The following HERC3 variants were observed in gnomAD, a reference collection of about 807,000 sequenced individuals.
The protein encoded by HERC3 is probable E3 ubiquitin-protein ligase HERC3.
Under a neutral mutation model 129.9 loss-of-function variants are expected in HERC3, and 58 were observed. That is an observed-to-expected ratio of 0.45 (90% CI 0.36 to 0.56). The LOEUF (loss-of-function observed/expected upper bound fraction) is 0.56. Among genes scored for constraint, HERC3 ranks in the 20% least tolerant of loss-of-function variants. HERC3 has a pLI of 0.00. For missense variants in HERC3, 835 were observed against 1,244.2 expected (o/e 0.67, Z 4.95); for synonymous variants, 430 against 451.0 (o/e 0.95, Z 0.59).
At chr4:88,657,953 A>G (rs1730094231) in intron 9 of HERC3, among the ~76,000 whole-genome samples, 1 of 152,032 alleles carries the variant, frequency 6.6e-6, no homozygotes, top group African/African-American at 2.4e-5. Flanking sequence ...AAATAAAGGC[A>G]ACGTGGTAGT....
At chr4:88,558,686 A>T in the HERC3 span, among the ~76,000 whole-genome samples, 1 of 152,114 alleles carries the variant, frequency 6.6e-6, no homozygotes, top group Non-Finnish European at 1.5e-5. Flanking sequence ...TTGAGAGGCC[A>T]GGCGCGGTGG....
chr4:88,674,687 GT>G (rs33944358), intron 16 of HERC3, among the ~76,000 whole-genome samples: 1 of 152,034 alleles, frequency 6.6e-6, no homozygotes, highest in African/African-American at 2.4e-5. Flanking sequence ...GTGTGGTTTT[GT>G]TTTTTTGTTT....
chr4:88,577,982 G>T, the HERC3 span, among the ~76,000 whole-genome samples: 1 of 152,140 alleles, frequency 6.6e-6, no homozygotes, highest in Non-Finnish European at 1.5e-5. Flanking sequence ...AACACTAGAA[G>T]ATTCATTCCT....
At chr4:88,562,563 A>G in the HERC3 span, among the ~76,000 whole-genome samples, 2 of 152,278 alleles carry the variant, frequency 1.3e-5, no homozygotes, top group South Asian at 4.1e-4. Flanking sequence ...GTATTACTAA[A>G]GAAAGTTTTG....
At chr4:88,607,419 G>A (rs1723782323) in intron 3 of HERC3, among the ~76,000 whole-genome samples, 1 of 152,044 alleles carries the variant, frequency 6.6e-6, no homozygotes, top group Non-Finnish European at 1.5e-5. Context: ...TTTATAACAG[G>A]TGCTACACAT....
intron 3 of HERC3, among the ~76,000 whole-genome samples, chr4:88,628,924 C>T (rs1035900852): frequency 3.3e-5 from 5 of 152,148 alleles, no homozygotes; most frequent in African/African-American, 1.2e-4. Context: ...GCTGTAATCC[C>T]GGGACTTGGG....
chr4:88,689,069 T>C (rs1218452630), intron 23 of HERC3, among the ~76,000 whole-genome samples: 1 of 152,186 alleles, frequency 6.6e-6, no homozygotes, highest in African/African-American at 2.4e-5. Context: ...TTTGTACGCA[T>C]GCAGGAAAAT....
At position 88,704,134 on chromosome 4, in the gene HERC3, C is replaced by T. The variant is rs761316662; in HGVS notation, c.2694C>T (p.Phe898=). 2.5e-6 allele frequency: 4 copies of T among 1,614,032 alleles called. No individual in the cohort carries two copies. The South Asian group carries it at 3.3e-5, about 13-fold the overall frequency. Reference sequence around the variant, plus strand: ...TGGATGCTTATGTGAATTATGTCTTCCAAATCTCAGTTCATGAATGGTACA... The same window carrying T: ...TGGATGCTTATGTGAATTATGTCTTTCAAATCTCAGTTCATGAATGGTACA... The part of the protein sequence containing the change: ...EFVDAYVNYV[F]QISVHEWYTA... The change falls in exon 24 of 26, where the codon TTC becomes TTT. Residue 898 remains phenylalanine (F), a synonymous_variant. Coordinates refer to ENST00000402738, the MANE Select transcript of HERC3 (RefSeq NM_014606.3).
At chr4:88,571,567 G>A in the HERC3 span, among the ~76,000 whole-genome samples, 1 of 152,162 alleles carries the variant, frequency 6.6e-6, no homozygotes, top group African/African-American at 2.4e-5. Context: ...CAGGTGCAAA[G>A]TCTTAGGTAT....
At chr4:88,615,804 A>G (rs925379343) in intron 3 of HERC3, among the ~76,000 whole-genome samples, 2 of 152,208 alleles carry the variant, frequency 1.3e-5, no homozygotes, top group African/African-American at 4.8e-5. Flanking sequence ...TGAAAAAATA[A>G]TTGCTGATCT....
upstream of HERC3, among the ~76,000 whole-genome samples, chr4:88,591,700 G>C (rs1176035565): frequency 1.3e-5 from 2 of 152,134 alleles, no homozygotes; most frequent in African/African-American, 2.4e-5. Flanking sequence ...ACCTTGGGGA[G>C]GGGGAGGAAG....
At chr4:88,607,472 A>T (rs1383578002) in intron 3 of HERC3, among the ~76,000 whole-genome samples, 1 of 150,634 alleles carries the variant, frequency 6.6e-6, no homozygotes, top group African/African-American at 2.4e-5. Flanking sequence ...CTATTTTTAC[A>T]TTTTTTTTTG....
At chr4:88,621,475 G>T (rs1192329946) in intron 3 of HERC3, among the ~76,000 whole-genome samples, 4 of 152,124 alleles carry the variant, frequency 2.6e-5, no homozygotes, top group Non-Finnish European at 5.9e-5. Flanking sequence ...AAGGAGTATA[G>T]AATCTTTTTT....
the HERC3 span, among the ~76,000 whole-genome samples, chr4:88,559,197 T>C: frequency 6.6e-6 from 1 of 152,212 alleles, no homozygotes; most frequent in Admixed American, 6.5e-5. Flanking sequence ...AACTCCCACA[T>C]GCTTAGCATT....
upstream of HERC3, among the ~76,000 whole-genome samples, chr4:88,591,897 C>G (rs918769941): frequency 6.6e-6 from 1 of 152,162 alleles, no homozygotes; most frequent in Non-Finnish European, 1.5e-5. Context: ...TCCGCAGCCC[C>G]GTGCCGGTCT....
intron 3 of HERC3, among the ~76,000 whole-genome samples, chr4:88,641,992 A>G (rs1728147520): frequency 1.3e-5 from 2 of 151,898 alleles, no homozygotes; most frequent in South Asian, 4.2e-4. Context: ...TAACTTGGGC[A>G]TGCTGGTGCA....
At chr4:88,532,722 A>G in the HERC3 span, among the ~76,000 whole-genome samples, 1 of 152,228 alleles carries the variant, frequency 6.6e-6, no homozygotes, top group Non-Finnish European at 1.5e-5. Context: ...ATTACTAAAA[A>G]GAATGAAGAG....
the HERC3 span, among the ~76,000 whole-genome samples, chr4:88,569,357 T>C: frequency 1.3e-5 from 2 of 152,206 alleles, no homozygotes; most frequent in Non-Finnish European, 2.9e-5. Context: ...AGGGGTGGCA[T>C]CTATAATTCA....
chr4:88,563,251 G>A, the HERC3 span, among the ~76,000 whole-genome samples: 1 of 152,058 alleles, frequency 6.6e-6, no homozygotes, highest in Non-Finnish European at 1.5e-5. Context: ...TATTTTATCT[G>A]TAGCTATTGT....
Sources: allele counts gnomAD v4.1 joint callset (sites outside exome capture counted in the v4.1 genomes callset), GRCh38; gene constraint gnomAD v4.1.1; transcripts MANE v1.5; gene names NCBI Gene and HGNC (gene_info 2026-07-23, HGNC 2026-07-21).